The following ASAP1 variants were observed in gnomAD, a reference collection of about 807,000 sequenced individuals.
ASAP1 encodes the protein ArfGAP with SH3 domain, ankyrin repeat and PH domain 1.
A neutral mutation model predicts 145.2 loss-of-function variants in ASAP1; 43 were observed. The observed-to-expected ratio is 0.30, with a 90% CI of 0.23 to 0.38. The LOEUF is 0.38. Ranked by LOEUF, ASAP1 falls within the 10% of genes least tolerant of loss-of-function variation. ASAP1 has a pLI of 1.00. For missense variants in ASAP1, 1,018 were observed against 1,355.3 expected, an observed-to-expected ratio of 0.75 and a Z score of 3.91; for synonymous variants, 546 against 515.5, an observed-to-expected ratio of 1.06 and a Z score of -0.80.
intron 3 of ASAP1, among the ~76,000 whole-genome samples, chr8:130,276,231 TG>T (rs1239039841): frequency 6.6e-6 from 1 of 152,140 alleles, no homozygotes; most frequent in Non-Finnish European, 1.5e-5. Flanking sequence ...AAAAGAAGGC[TG>T]GGGGGCACTG....
At chr8:130,062,485 C>T (rs1209666072) in intron 27 of ASAP1, among the ~76,000 whole-genome samples, 7 of 152,142 alleles carry the variant, frequency 4.6e-5, no homozygotes, top group South Asian at 2.1e-4. Context: ...ACATGAATCT[C>T]GTTCCTCTCT....
At chr8:130,340,469 CT>C (rs1825304903) in intron 3 of ASAP1, among the ~76,000 whole-genome samples, 1 of 152,218 alleles carries the variant, frequency 6.6e-6, no homozygotes, top group Non-Finnish European at 1.5e-5. Flanking sequence ...CATACTATCA[CT>C]TTTCTAGGAG....
intron 23 of ASAP1, 92 bp from the exon 24 acceptor site, chr8:130,112,414 T>A: frequency 9.8e-7 from 1 of 1,022,210 alleles, no homozygotes; most frequent in Non-Finnish European, 1.4e-6. Context: ...GGTGGGAATC[T>A]GGGTTCCTGT....
At chr8:130,403,806 G>T (rs191742200) in intron 1 of ASAP1, among the ~76,000 whole-genome samples, 1 of 152,062 alleles carries the variant, frequency 6.6e-6, no homozygotes, top group African/African-American at 2.4e-5. Context: ...TGCCCACCTT[G>T]GCCTCCCAAA....
chr8:130,189,193 T>C (rs897030605), intron 5 of ASAP1, among the ~76,000 whole-genome samples: 1 of 152,194 alleles, frequency 6.6e-6, no homozygotes, highest in Non-Finnish European at 1.5e-5. Flanking sequence ...TCTAGTTATT[T>C]TGAAATATAT....
At position 130,242,614 on chromosome 8, in the gene ASAP1, A is replaced by G. The variant is rs537308679; in HGVS notation, c.187-5620T>C. The stretch of plus-strand genomic sequence containing the variant: ...TTGCATAAGAGGATGAAAAAGTGAC[A>G]TAAGTTCTCATGCAGCCTCACAGCC... On this transcript the variant is annotated intron_variant, in intron 3 of 29. Coordinates refer to ENST00000518721, the MANE Select transcript of ASAP1 (RefSeq NM_018482.4). Among the ~76,000 whole-genome samples the G allele has an allele frequency of 5.3e-5, 8 of 152,282 alleles. No homozygotes were observed. The East Asian group carries it at 9.7e-4, about 18-fold the overall frequency.
intron 2 of ASAP1, among the ~76,000 whole-genome samples, chr8:130,392,009 C>A (rs945040259): frequency 2.0e-5 from 3 of 152,192 alleles, no homozygotes; most frequent in African/African-American, 7.2e-5. Flanking sequence ...GACCTGGGAG[C>A]GCCTAATCTA....
chr8:130,269,895 C>A (rs901253116), intron 3 of ASAP1, among the ~76,000 whole-genome samples: 1 of 152,208 alleles, frequency 6.6e-6, no homozygotes, highest in Non-Finnish European at 1.5e-5. Context: ...TCAGGCCAGG[C>A]ATGGTGGCTC....
chr8:130,124,217 T>G, intron 17 of ASAP1, 113 bp from the exon 18 acceptor site: 1 of 786,226 alleles, frequency 1.3e-6, no homozygotes, highest in South Asian at 1.6e-5. Flanking sequence ...TCATTTGACT[T>G]AGAATACAAA....
intron 3 of ASAP1, among the ~76,000 whole-genome samples, chr8:130,287,191 G>A (rs969241818): frequency 1.4e-5 from 2 of 143,036 alleles, no homozygotes; most frequent in Non-Finnish European, 3.1e-5. Flanking sequence ...ACACATTTTT[G>A]TATATTGCCT....
intron 3 of ASAP1, among the ~76,000 whole-genome samples, chr8:130,319,547 C>CA (rs1358841057): frequency 6.6e-6 from 1 of 152,138 alleles, no homozygotes; most frequent in Non-Finnish European, 1.5e-5. Context: ...AATGGGGAGT[C>CA]AGAGCCTACC....
chr8:130,116,630 T>C (rs754334447), intron 22 of ASAP1, 48 bp downstream of exon 22: 4 of 1,526,626 alleles, frequency 2.6e-6, no homozygotes, highest in South Asian at 2.3e-5. Flanking sequence ...AATGACACTT[T>C]TAAGGCAGCC....
intron 19 of ASAP1, 82 bp downstream of exon 19, chr8:130,118,407 T>C (rs2097559905): frequency 2.1e-6 from 3 of 1,445,718 alleles, no homozygotes; most frequent in Non-Finnish European, 2.8e-6. Context: ...AATCTCATTA[T>C]ATGGTATAAT....
At chr8:130,424,077 T>A (rs780935944) in intron 1 of ASAP1, among the ~76,000 whole-genome samples, 1 of 152,168 alleles carries the variant, frequency 6.6e-6, no homozygotes, top group African/African-American at 2.4e-5. Context: ...GTGAATTATA[T>A]GTCAATAAAG....
At chr8:130,151,010 T>C (rs150550122) in intron 13 of ASAP1, among the ~76,000 whole-genome samples, 42 of 152,262 alleles carry the variant, frequency 2.8e-4, no homozygotes, top group African/African-American at 9.9e-4. Context: ...ATAAAAATTA[T>C]CTAATTTTTC....
intron 3 of ASAP1, among the ~76,000 whole-genome samples, chr8:130,317,312 T>A (rs1823724025): frequency 6.6e-6 from 1 of 152,298 alleles, no homozygotes; most frequent in South Asian, 2.1e-4. Flanking sequence ...GGCCATGATA[T>A]TCCTCCCTTC....
chr8:130,210,228 A>G (rs748712801), intron 5 of ASAP1, among the ~76,000 whole-genome samples: 10 of 152,352 alleles, frequency 6.6e-5, no homozygotes, highest in Non-Finnish European at 1.2e-4. Context: ...GCTACCGTCT[A>G]TTAAGTTGGC....
chr8:130,332,437 T>G (rs1824753251), intron 3 of ASAP1, among the ~76,000 whole-genome samples: 1 of 152,224 alleles, frequency 6.6e-6, no homozygotes, highest in Non-Finnish European at 1.5e-5. Flanking sequence ...ATTATGTCAT[T>G]GTACTTTAGT....
At chr8:130,102,805 C>T (rs542570860) in intron 24 of ASAP1, among the ~76,000 whole-genome samples, 11 of 152,274 alleles carry the variant, frequency 7.2e-5, no homozygotes, top group Admixed American at 4.6e-4. Flanking sequence ...CTTGCTTCAG[C>T]CTTCTACATA....
Sources: gnomAD v4.1 joint callset for allele counts (sites outside exome capture counted in the v4.1 genomes callset) on GRCh38, gnomAD v4.1.1 for gene constraint, MANE v1.5 for transcripts, NCBI Gene and HGNC (gene_info 2026-07-23, HGNC 2026-07-21) for gene names.